Variants in SND1 observed in about 807,000 individuals in gnomAD.
The protein encoded by SND1 is staphylococcal nuclease domain-containing protein 1.
SND1 carries 38 observed loss-of-function variants against 121.7 expected under a neutral mutation model. That is an observed-to-expected ratio of 0.31 (90% CI 0.24 to 0.41). The LOEUF (loss-of-function observed/expected upper bound fraction) is 0.41, where lower values mean the gene tolerates loss of function less well. Ranked by LOEUF, SND1 falls within the 10% of genes least tolerant of loss-of-function variation. The pLI, the probability that SND1 is intolerant of heterozygous loss-of-function variation, is 1.00. For synonymous variants in SND1, 401 were observed against 447.4 expected (o/e 0.90, Z 1.31); for missense variants, 868 against 1,184.6 (o/e 0.73, Z 3.92).
At chr7:127,813,572 C>T (rs1010162559) in intron 11 of SND1, among the ~76,000 whole-genome samples, 4 of 151,854 alleles carry the variant, frequency 2.6e-5, no homozygotes, top group Non-Finnish European at 4.4e-5. Flanking sequence ...TTGTTGTTTT[C>T]TTGAAATGGA....
chr7:127,712,161 T>G (rs1050961115), intron 9 of SND1, among the ~76,000 whole-genome samples: 2 of 152,058 alleles, frequency 1.3e-5, no homozygotes, highest in Non-Finnish European at 2.9e-5. Context: ...GTATACATAT[T>G]TGCTTGTTTG....
At chr7:127,657,299 G>T (rs1043754583) in intron 1 of SND1, among the ~76,000 whole-genome samples, 2 of 152,142 alleles carry the variant, frequency 1.3e-5, no homozygotes, top group Non-Finnish European at 2.9e-5. Flanking sequence ...CCAGGTAAGG[G>T]ACTGGGACAG....
At chr7:127,923,889 CT>C (rs984380257) in intron 14 of SND1, among the ~76,000 whole-genome samples, 4 of 151,648 alleles carry the variant, frequency 2.6e-5, no homozygotes, top group African/African-American at 7.3e-5. Flanking sequence ...TCTCCACACT[CT>C]TTTTTTTCCT....
rs116813670 is a variant in SND1, at chr7:127,810,363, T to G, written c.1242+2790T>G. ...GGTAGAAGAATACTGTGTGTATCCT[T>G]GAAGCATTTTGGAAACTCCCTCAAT... On this transcript the variant is annotated intron_variant, in intron 11 of 23. Coordinates refer to ENST00000354725, the MANE Select transcript of SND1 (RefSeq NM_014390.4). Among the ~76,000 whole-genome samples, 887 of 152,282 alleles carry G rather than the reference T, an allele frequency of 5.8e-3. 15 individuals carry two copies. The highest frequency in any genetic ancestry group is 0.02 in the African/African-American group (845 of 41,548).
chr7:127,704,116 C>T (rs1796150233), intron 7 of SND1, among the ~76,000 whole-genome samples: 2 of 152,106 alleles, frequency 1.3e-5, no homozygotes, highest in Non-Finnish European at 2.9e-5. Context: ...GATGTTTTAC[C>T]TTATTGTGCA....
chr7:127,873,208 G>C (rs1455997275), intron 12 of SND1, among the ~76,000 whole-genome samples: 1 of 152,032 alleles, frequency 6.6e-6, no homozygotes, highest in Non-Finnish European at 1.5e-5. Flanking sequence ...AAACTGTTGG[G>C]TTTCAGGTGG....
chr7:127,727,750 G>T (rs1018207319), intron 10 of SND1, among the ~76,000 whole-genome samples: 1 of 152,146 alleles, frequency 6.6e-6, no homozygotes, highest in Non-Finnish European at 1.5e-5. Flanking sequence ...TTAGAGGCTG[G>T]CGTAGGCATT....
intron 11 of SND1, among the ~76,000 whole-genome samples, chr7:127,835,923 T>G (rs1798858845): frequency 6.6e-6 from 1 of 152,216 alleles, no homozygotes; most frequent in Non-Finnish European, 1.5e-5. Flanking sequence ...ATGTTTGTTT[T>G]CAGGTTGTTA....
At chr7:127,874,412 C>A (rs1253042053) in intron 12 of SND1, among the ~76,000 whole-genome samples, 1 of 152,064 alleles carries the variant, frequency 6.6e-6, no homozygotes, top group African/African-American at 2.4e-5. Context: ...TTTTTTGTAT[C>A]AGGACCCTTT....
At chr7:127,725,479 G>T (rs1796566545) in intron 10 of SND1, among the ~76,000 whole-genome samples, 1 of 152,230 alleles carries the variant, frequency 6.6e-6, no homozygotes, top group Non-Finnish European at 1.5e-5. Context: ...ATATGGGCCT[G>T]CCCTAGTTAG....
chr7:127,803,218 C>T lies in SND1; in HGVS notation c.1153-4266C>T, dbSNP rs188659390. On this transcript the variant is annotated intron_variant, in intron 10 of 23. Transcript: ENST00000354725. Reference sequence around the variant, plus strand: ...CTTTGCTTTTCTTCCGATGACTGGGCATCCCATACCTCTTTGAGTTTTTGA... The same window carrying T: ...CTTTGCTTTTCTTCCGATGACTGGGTATCCCATACCTCTTTGAGTTTTTGA... 2.1e-4 allele frequency among the ~76,000 whole-genome samples: 32 copies of T among 152,296 alleles called. 1 individual carries two copies. The highest frequency in any genetic ancestry group is 3.1e-4 in the Non-Finnish European group (21 of 68,028).
intron 11 of SND1, among the ~76,000 whole-genome samples, chr7:127,819,210 A>T (rs542313848): frequency 6.7e-4 from 102 of 152,334 alleles, no homozygotes; most frequent in African/African-American, 2.4e-3. Context: ...TCAAATGCAG[A>T]CCTGCAGCCT....
At chr7:127,707,681 G>A (rs1796224721) in intron 9 of SND1, 34 bp downstream of exon 9, 3 of 1,521,128 alleles carry the variant, frequency 2.0e-6, no homozygotes, top group South Asian at 1.1e-5. Context: ...TATGCATAGT[G>A]GACATTGCCA....
chr7:127,716,303 A>T (rs1188419523), intron 9 of SND1, among the ~76,000 whole-genome samples: 1 of 152,178 alleles, frequency 6.6e-6, no homozygotes, highest in African/African-American at 2.4e-5. Context: ...TTTGGGTAGT[A>T]TTGACATCTT....
At chr7:127,724,152 C>T (rs945585036) in intron 10 of SND1, among the ~76,000 whole-genome samples, 1 of 152,170 alleles carries the variant, frequency 6.6e-6, no homozygotes, top group Non-Finnish European at 1.5e-5. Context: ...AATAGATGTC[C>T]CTTCTCTGCC....
At chr7:127,853,160 G>T (rs1799203670) in intron 12 of SND1, among the ~76,000 whole-genome samples, 1 of 152,166 alleles carries the variant, frequency 6.6e-6, no homozygotes. Flanking sequence ...TCGAGGGAAA[G>T]AGGCTCTCTG....
intron 14 of SND1, among the ~76,000 whole-genome samples, chr7:127,922,199 T>TTTTTTTTTTTTTGTTTTTTTG (rs1554443300): frequency 1.1e-5 from 1 of 93,500 alleles, no homozygotes; most frequent in African/African-American, 4.3e-5. Flanking sequence ...TTTTTTTTTT[T>TTTTTTTTTTTTTGTTTTTTTG]TTTTGTTTTG....
chr7:127,708,409 C>G (rs1158018026), intron 9 of SND1, among the ~76,000 whole-genome samples: 5 of 47,218 alleles, frequency 1.1e-4, no homozygotes, highest in South Asian at 1.6e-3. Context: ...CTCCCTTCCT[C>G]CCTTCCTGCC....
Position 127,730,116 on chromosome 7 carries a change from G to T in SND1, c.1152+8716G>T, listed in dbSNP as rs62481381. 4.3e-3 allele frequency among the ~76,000 whole-genome samples: 650 copies of T among 152,234 alleles called. 11 individuals carry two copies. Among genetic ancestry groups the T allele is most frequent in the Non-Finnish European group, 4.0e-3 (269 of 68,000 alleles). On this transcript the variant is annotated intron_variant, in intron 10 of 23. Coordinates refer to ENST00000354725, the MANE Select transcript of SND1 (RefSeq NM_014390.4). Reference sequence around the variant, plus strand: ...CCCGAGTAGCTGGGATTACAGGCATGAGCCACCACATCCAGCTAATTTTGT... The same window carrying T: ...CCCGAGTAGCTGGGATTACAGGCATTAGCCACCACATCCAGCTAATTTTGT...
Sources: gnomAD v4.1 joint callset for allele counts (sites outside exome capture counted in the v4.1 genomes callset) on GRCh38, gnomAD v4.1.1 for gene constraint, MANE v1.5 for transcripts, NCBI Gene and HGNC (gene_info 2026-07-23, HGNC 2026-07-21) for gene names.